Variants in DDAH1 observed in about 807,000 individuals in gnomAD.
The protein encoded by DDAH1 is N(G),N(G)-dimethylarginine dimethylaminohydrolase 1.
Under a neutral mutation model 28.8 loss-of-function variants are expected in DDAH1, and 19 were observed. The observed-to-expected ratio is 0.66, with a 90% CI of 0.46 to 0.97. DDAH1 has a LOEUF of 0.97. Ranked by LOEUF, DDAH1 falls within the 50% of genes least tolerant of loss-of-function variation. DDAH1 has a pLI of 0.00. For missense variants in DDAH1, 326 were observed against 375.9 expected (o/e 0.87, Z 1.10); for synonymous variants, 153 against 154.4 (o/e 0.99, Z 0.07).
intron 5 of DDAH1, among the ~76,000 whole-genome samples, chr1:85,323,736 T>C (rs1661447208): frequency 6.6e-6 from 1 of 151,106 alleles, no homozygotes. Flanking sequence ...TTTGGGAGGC[T>C]GAAGTGGGAG....
intron 2 of DDAH1, among the ~76,000 whole-genome samples, chr1:85,355,298 A>G: frequency 6.6e-6 from 1 of 152,178 alleles, no homozygotes; most frequent in South Asian, 2.1e-4. Flanking sequence ...GGAATATATA[A>G]TTCAAATAGT....
chr1:85,561,392 A>T (rs1659137076), intron 1 of DDAH1, among the ~76,000 whole-genome samples: 1 of 152,068 alleles, frequency 6.6e-6, no homozygotes, highest in East Asian at 1.9e-4. Context: ...TGTAAAAAGA[A>T]AAAACTACTT....
chr1:85,419,540 T>TAAAA (rs141947699), intron 1 of DDAH1, among the ~76,000 whole-genome samples: 13,804 of 81,322 alleles, frequency 0.17, 1,605 homozygotes, highest in Middle Eastern at 0.23. Context: ...AACTCCATCT[T>TAAAA]AAAAAAAAAA....
chr1:85,485,413 T>C (rs532942702), intron 2 of DDAH1, among the ~76,000 whole-genome samples: 28 of 152,266 alleles, frequency 1.8e-4, no homozygotes, highest in Non-Finnish European at 3.2e-4. Flanking sequence ...CAGTGTTTCC[T>C]GGAGGAGGAC....
intron 4 of DDAH1, among the ~76,000 whole-genome samples, chr1:85,332,239 A>G (rs1406609223): frequency 2.6e-5 from 4 of 152,134 alleles, no homozygotes; most frequent in Non-Finnish European, 4.4e-5. Context: ...CTGGAGCCCC[A>G]CTAACAGAGG....
At chr1:85,484,844 TG>T (rs1387922818) in intron 2 of DDAH1, among the ~76,000 whole-genome samples, 2 of 152,210 alleles carry the variant, frequency 1.3e-5, no homozygotes, top group Admixed American at 1.3e-4. Context: ...AGCCTCTTTC[TG>T]GAAACATACA....
intron 2 of DDAH1, among the ~76,000 whole-genome samples, chr1:85,481,202 A>G (rs1656004575): frequency 6.9e-6 from 1 of 144,020 alleles, no homozygotes; most frequent in South Asian, 2.1e-4. Flanking sequence ...GGTTGAAGTG[A>G]TTCTCCTGCC....
chr1:85,458,752 A>T (rs1287360477), intron 1 of DDAH1, among the ~76,000 whole-genome samples: 2 of 152,194 alleles, frequency 1.3e-5, no homozygotes, highest in African/African-American at 2.4e-5. Flanking sequence ...TTTTGATGGA[A>T]GTTCAGAGGA....
intron 1 of DDAH1, among the ~76,000 whole-genome samples, chr1:85,570,773 T>G (rs1007881159): frequency 1.3e-5 from 2 of 152,098 alleles, no homozygotes; most frequent in African/African-American, 4.8e-5. Context: ...TACCTCCTTT[T>G]AAAAGCTAGA....
At chr1:85,385,721 C>T (rs977883297) in intron 1 of DDAH1, among the ~76,000 whole-genome samples, 1 of 152,142 alleles carries the variant, frequency 6.6e-6, no homozygotes, top group Admixed American at 6.5e-5. Context: ...TTACTCCATG[C>T]CTTAGTGCAT....
chr1:85,435,239 A>G (rs1286120622), intron 1 of DDAH1: 1 of 152,236 alleles, frequency 6.6e-6, no homozygotes, highest in Non-Finnish European at 1.5e-5. Flanking sequence ...TTCGACCTGT[A>G]ACTGACTGTA....
At chr1:85,428,297 C>A (rs1029374129) in intron 1 of DDAH1, among the ~76,000 whole-genome samples, 6 of 152,282 alleles carry the variant, frequency 3.9e-5, no homozygotes, top group Middle Eastern at 3.4e-3. Context: ...ACTCACAGTT[C>A]CACATGGCTG....
At chr1:85,440,460 T>C (rs943688127) in intron 1 of DDAH1, among the ~76,000 whole-genome samples, 2 of 152,164 alleles carry the variant, frequency 1.3e-5, no homozygotes, top group Non-Finnish European at 2.9e-5. Flanking sequence ...TAATCAGAGG[T>C]GAGTAGCCGG....
intron 1 of DDAH1, among the ~76,000 whole-genome samples, chr1:85,376,217 G>A (rs932305735): frequency 1.4e-4 from 22 of 152,106 alleles, no homozygotes; most frequent in African/African-American, 5.3e-4. Flanking sequence ...ATTGTAAATG[G>A]CTTATTAAGC....
chr1:85,524,784 AT>A (rs1393701537), intron 1 of DDAH1, among the ~76,000 whole-genome samples: 2 of 151,528 alleles, frequency 1.3e-5, no homozygotes, highest in African/African-American at 4.8e-5. Context: ...GAAAAGCCTA[AT>A]TAGAAATGAA....
At chr1:85,346,851 T>C (rs1251740390) in intron 4 of DDAH1, among the ~76,000 whole-genome samples, 2 of 152,124 alleles carry the variant, frequency 1.3e-5, no homozygotes, top group Non-Finnish European at 2.9e-5. Flanking sequence ...GGAGAAAATT[T>C]TTGCAATCTA....
chr1:85,455,212 A>C (rs1654831507), intron 1 of DDAH1, among the ~76,000 whole-genome samples: 1 of 152,222 alleles, frequency 6.6e-6, no homozygotes, highest in South Asian at 2.1e-4. Flanking sequence ...TAGTAATAAT[A>C]ATCTTTCTTC....
chr1:85,509,698 C>T (rs544381954), intron 1 of DDAH1, among the ~76,000 whole-genome samples: 204 of 152,140 alleles, frequency 1.3e-3, no homozygotes, highest in African/African-American at 4.6e-3. Flanking sequence ...ATATGCACAA[C>T]CTTCAACAGC....
chr1:85,522,610 A>T (rs1162558901), intron 1 of DDAH1, among the ~76,000 whole-genome samples: 3 of 152,070 alleles, frequency 2.0e-5, no homozygotes, highest in Non-Finnish European at 4.4e-5. Flanking sequence ...GAAAAATAAA[A>T]TGCTGTTTGC....
Sources: gnomAD v4.1 joint callset for allele counts (sites outside exome capture counted in the v4.1 genomes callset) on GRCh38, gnomAD v4.1.1 for gene constraint, MANE v1.5 for transcripts, NCBI Gene and HGNC (gene_info 2026-07-23, HGNC 2026-07-21) for gene names.